TMEM150C: variants seen among roughly 807,000 people sequenced by gnomAD.
TMEM150C encodes transmembrane protein 150C, also known as tentonin 3.
Under a neutral mutation model 29.9 loss-of-function variants are expected in TMEM150C, and 10 were observed. The ratio of observed to expected loss-of-function variants is 0.33; its 90% confidence interval spans 0.21 to 0.57. The LOEUF (loss-of-function observed/expected upper bound fraction) is 0.57. Ranked by LOEUF, TMEM150C falls within the 20% of genes least tolerant of loss-of-function variation. The pLI is 0.88. For synonymous variants in TMEM150C, 101 were observed against 112.5 expected, an observed-to-expected ratio of 0.90 and a Z score of 0.64; for missense variants, 251 against 303.6, an observed-to-expected ratio of 0.83 and a Z score of 1.29.
intron 1 of TMEM150C, among the ~76,000 whole-genome samples, chr4:82,522,693 G>A (rs1026185687): frequency 2.6e-5 from 4 of 152,226 alleles, no homozygotes. Flanking sequence ...TCTGCAATGT[G>A]ATTTGCAGTT....
chr4:82,555,021 A>G (rs1288586795), intron 1 of TMEM150C, among the ~76,000 whole-genome samples: 13 of 152,226 alleles, frequency 8.5e-5, no homozygotes, highest in Non-Finnish European at 1.5e-5. Context: ...CTTCTAGTCT[A>G]CCTGACAAAG....
At chr4:82,538,602 G>T (rs993596743) in intron 1 of TMEM150C, among the ~76,000 whole-genome samples, 2 of 151,608 alleles carry the variant, frequency 1.3e-5, no homozygotes, top group African/African-American at 2.4e-5. Context: ...AAATAAGATG[G>T]GTAAAAAAAG....
intron 5 of TMEM150C, among the ~76,000 whole-genome samples, chr4:82,501,969 T>A (rs947324988): frequency 6.6e-6 from 1 of 152,180 alleles, no homozygotes; most frequent in Non-Finnish European, 1.5e-5. Context: ...CTTTGGTCCA[T>A]CCTAACATCA....
chr4:82,502,707 G>T lies in TMEM150C; in HGVS notation c.235+20C>A. 6.2e-7 allele frequency: 1 copy of T among 1,600,036 alleles called. No individual in the cohort carries two copies. The highest frequency in any genetic ancestry group is 1.1e-5 in the South Asian group (1 of 88,500). On this transcript the variant is annotated intron_variant, in intron 5 of 7. Transcript: ENST00000449862. ...AGAAATGTACCAAAGCACATAAAGC[G>T]TTCTTTACCCTCTTCTTACCTAGGA...
rs1723134127 is a variant in TMEM150C, at chr4:82,485,593, A to G, written c.668T>C (p.Val223Ala). The G allele has an allele frequency of 6.2e-7, 1 of 1,611,302 alleles. No homozygotes were observed. Residue 223 changes from valine (V) to alanine (A), a missense_variant, in exon 8 of 8, where the codon GTT (valine) becomes GCT (alanine). Coordinates refer to ENST00000449862, the MANE Select transcript of TMEM150C (RefSeq NM_001080506.3). ...GAAATTCTCCTGGTACTCAGAGCAA[A>G]CAATCTCATAGCGGTAATGCCGGAA... is the stretch of plus-strand genomic sequence containing the variant. ...VEFRHYRYEI[V>A]CSEYQENFLS...
chr4:82,531,315 G>T (rs1724838415), intron 1 of TMEM150C, among the ~76,000 whole-genome samples: 1 of 152,328 alleles, frequency 6.6e-6, no homozygotes, highest in Admixed American at 6.5e-5. Context: ...TTAAAGACAG[G>T]TTTGGAAGTC....
chr4:82,553,827 C>G (rs189311683), intron 1 of TMEM150C, among the ~76,000 whole-genome samples: 1 of 152,112 alleles, frequency 6.6e-6, no homozygotes. Flanking sequence ...TATCATTCTG[C>G]GAATCAGTTA....
chr4:82,531,730 G>A (rs1368936159), intron 1 of TMEM150C, among the ~76,000 whole-genome samples: 2 of 143,188 alleles, frequency 1.4e-5, no homozygotes, highest in East Asian at 4.0e-4. Context: ...ACTCCAGCCT[G>A]GGCAACAGAG....
At chr4:82,555,522 T>TA (rs907945047) in intron 1 of TMEM150C, among the ~76,000 whole-genome samples, 2 of 152,198 alleles carry the variant, frequency 1.3e-5, no homozygotes, top group Non-Finnish European at 2.9e-5. Flanking sequence ...TCTTCCTGCC[T>TA]AAATGTGCAA....
At chr4:82,528,204 G>A (rs919789317) in intron 1 of TMEM150C, among the ~76,000 whole-genome samples, 1 of 152,240 alleles carries the variant, frequency 6.6e-6, no homozygotes, top group Non-Finnish European at 1.5e-5. Context: ...GGCTCTGCAG[G>A]TGAAGCAGCA....
intron 1 of TMEM150C, among the ~76,000 whole-genome samples, chr4:82,506,600 T>C (rs1723929422): frequency 6.6e-6 from 1 of 152,234 alleles, no homozygotes; most frequent in Non-Finnish European, 1.5e-5. Context: ...GTCTAATGAA[T>C]ACGACTATTT....
intron 7 of TMEM150C, among the ~76,000 whole-genome samples, chr4:82,487,818 T>A (rs964366370): frequency 1.3e-5 from 2 of 152,122 alleles, no homozygotes; most frequent in Admixed American, 1.3e-4. Flanking sequence ...TTTTATTCTT[T>A]CCCCCCCTCA....
chr4:82,486,257 TA>T (rs928390636), intron 7 of TMEM150C, among the ~76,000 whole-genome samples: 4 of 131,594 alleles, frequency 3.0e-5, no homozygotes, highest in Non-Finnish European at 4.6e-5. Flanking sequence ...TAAGCTATTT[TA>T]AAAAAAAATC....
intron 6 of TMEM150C, chr4:82,495,714 AC>A (rs1436597167): frequency 3.3e-6 from 1 of 303,488 alleles, no homozygotes; most frequent in Non-Finnish European, 6.5e-6. Flanking sequence ...CAAACAAGAA[AC>A]CTTGTTTGTT....
rs577728662 is a variant in TMEM150C, at chr4:82,540,114, C to CTTTTTTTTT, written c.-11+21783_-11+21791dup. Among the ~76,000 whole-genome samples the CTTTTTTTTT allele has an allele frequency of 1.8e-3, 84 of 47,248 alleles. 20 individuals carry two copies. The highest frequency in any genetic ancestry group is 3.1e-3 in the Non-Finnish European group (60 of 19,284). 31.0% of individuals were successfully genotyped at this position (47,248 alleles called of 152,430 possible). A position where few individuals can be genotyped will look rare whatever the true frequency, so the allele number is the denominator to read the frequency against. On this transcript the variant is annotated intron_variant, in intron 1 of 7. Transcript: ENST00000449862. ...TAGTCATTCAATGTTTCTACCTATT[C>CTTTTTTTTT]TTTTTTTTTTTTTTTTTTTTTTTTT...
At chr4:82,499,444 G>A (rs544995940) in intron 5 of TMEM150C, among the ~76,000 whole-genome samples, 36 of 152,070 alleles carry the variant, frequency 2.4e-4, no homozygotes, top group African/African-American at 7.5e-4. Flanking sequence ...AATAGAGGCC[G>A]GGCGCGGTGG....
intron 6 of TMEM150C, among the ~76,000 whole-genome samples, chr4:82,492,347 C>T (rs1723382812): frequency 6.6e-6 from 1 of 151,654 alleles, no homozygotes; most frequent in Non-Finnish European, 1.5e-5. Context: ...AGGCTGATCT[C>T]AAACTCCCAA....
chr4:82,516,414 C>G (rs762920454), intron 1 of TMEM150C, among the ~76,000 whole-genome samples: 1 of 152,088 alleles, frequency 6.6e-6, no homozygotes, highest in Non-Finnish European at 1.5e-5. Context: ...TCTCTGGTTT[C>G]AAATCCAGGC....
rs562413481 is a variant in TMEM150C, at chr4:82,505,020, A to G, written c.-10-353T>C. Among the ~76,000 whole-genome samples, 217 of 152,262 alleles carry G rather than the reference A, an allele frequency of 1.4e-3. 4 individuals are homozygous for G. Among genetic ancestry groups the G allele is most frequent in the Non-Finnish European group, 1.4e-3 (96 of 68,014 alleles). ...ACTCCAGCCTGGGCGTCAGAGCGAG[A>G]CTGTCTCAAAACAAACAAAAAAGAA... On this transcript the variant is annotated intron_variant, in intron 1 of 7. Transcript: ENST00000449862.
Sources: allele counts gnomAD v4.1 joint callset (sites outside exome capture counted in the v4.1 genomes callset), GRCh38; gene constraint gnomAD v4.1.1; transcripts MANE v1.5; gene names NCBI Gene and HGNC (gene_info 2026-07-23, HGNC 2026-07-21).